RSBN1: variants seen among roughly 807,000 people sequenced by gnomAD.
RSBN1 encodes lysine-specific demethylase 9.
Under a neutral mutation model 74.8 loss-of-function variants are expected in RSBN1, and 23 were observed. The observed-to-expected ratio is 0.31, with a 90% confidence interval of 0.22 to 0.44. The LOEUF (loss-of-function observed/expected upper bound fraction) is 0.44. RSBN1 is among the 20% of genes least tolerant of loss of function. The pLI, the probability that RSBN1 is intolerant of heterozygous loss-of-function variation, is 1.00. For synonymous variants in RSBN1, 407 were observed against 379.6 expected, an observed-to-expected ratio of 1.07 and a Z score of -0.84; for missense variants, 808 against 1,020.9, an observed-to-expected ratio of 0.79 and a Z score of 2.84.
At chr1:113,790,911 A>C (rs776037950) in intron 2 of RSBN1, among the ~76,000 whole-genome samples, 4 of 152,206 alleles carry the variant, frequency 2.6e-5, no homozygotes, top group Non-Finnish European at 4.4e-5. Context: ...CTGAGAGTCT[A>C]ATGTATATTT....
chr1:113,766,132 A>T lies in RSBN1; in HGVS notation c.2257T>A (p.Leu753Ile). ...SEEACTEIQL[L>I]TTASSSFPPA... is the part of the protein sequence containing the mutation. ...GGGAAAGATGATGAAGCAGTTGTTAACAGCTGAATCTCTGTGCATGCTTCT... is the reference window on the plus strand; with the variant it reads ...GGGAAAGATGATGAAGCAGTTGTTATCAGCTGAATCTCTGTGCATGCTTCT... The change falls in exon 7 of 7, where the codon TTA becomes ATA. Residue 753 changes from leucine (L) to isoleucine (I), a missense_variant. Coordinates refer to ENST00000261441, the MANE Select transcript of RSBN1 (RefSeq NM_018364.5). 1 of 1,614,080 alleles carries T rather than the reference A, an allele frequency of 6.2e-7. No homozygotes were observed.
At chr1:113,785,014 T>G (rs182898237) in intron 2 of RSBN1, among the ~76,000 whole-genome samples, 1 of 152,142 alleles carries the variant, frequency 6.6e-6, no homozygotes, top group East Asian at 1.9e-4. Context: ...ACTTTATGAG[T>G]TTTTTAATTC....
intron 2 of RSBN1, among the ~76,000 whole-genome samples, chr1:113,780,516 G>A (rs900670210): frequency 1.3e-5 from 2 of 152,154 alleles, no homozygotes; most frequent in African/African-American, 2.4e-5. Flanking sequence ...TATTTGCAAA[G>A]AGAATAAAAA....
At chr1:113,768,156 TTAAA>T (rs1659819038) in intron 5 of RSBN1, 62 bp downstream of exon 5, 4 of 1,364,114 alleles carry the variant, frequency 2.9e-6, no homozygotes, top group Non-Finnish European at 3.9e-6. Flanking sequence ...CCTAAACCTT[TTAAA>T]TAGAGTCCAC....
chr1:113,769,970 C>T (rs375626502), intron 4 of RSBN1, among the ~76,000 whole-genome samples: 4 of 152,266 alleles, frequency 2.6e-5, no homozygotes, highest in South Asian at 4.1e-4. Context: ...TCCATTCCTC[C>T]CCTTTAATTC....
chr1:113,769,822 T>C (rs2101791869), intron 4 of RSBN1, among the ~76,000 whole-genome samples: 1 of 152,146 alleles, frequency 6.6e-6, no homozygotes, highest in East Asian at 1.9e-4. Flanking sequence ...GGCATAATAA[T>C]GATGAACAGA....
At chr1:113,795,191 C>G (rs989676910) in intron 2 of RSBN1, among the ~76,000 whole-genome samples, 10 of 152,302 alleles carry the variant, frequency 6.6e-5, no homozygotes, top group African/African-American at 1.9e-4. Flanking sequence ...AATCTCTTCT[C>G]CATGGTAAAA....
In RSBN1 at chr1:113,797,529, T is replaced by A; in HGVS notation, c.1211A>T (p.Glu404Val). 1 of 1,613,550 alleles carries A rather than the reference T, an allele frequency of 6.2e-7. No homozygotes were observed. Among genetic ancestry groups the A allele is most frequent in the South Asian group, 1.1e-5 (1 of 91,024 alleles). ...EFLALTFSEN[E>V]KNAAYYALAI... is the part of the protein sequence containing the mutation. ...TAAAGCATAGTAAGCAGCATTTTTC[T>A]CATTTTCACTGAATGTCAAAGCAAG... Residue 404 changes from glutamate (E) to valine (V), a missense_variant, in exon 2 of 7, where the codon GAG becomes GTG. Glu to Val is a moderately radical substitution (Grantham distance 121, BLOSUM62 -2). Coordinates refer to ENST00000261441, the MANE Select transcript of RSBN1 (RefSeq NM_018364.5).
chr1:113,786,687 G>C (rs987992469), intron 2 of RSBN1, among the ~76,000 whole-genome samples: 13 of 152,054 alleles, frequency 8.5e-5, no homozygotes, highest in Admixed American at 1.3e-4. Context: ...CCATTGTTTG[G>C]GGGCCAGGTA....
At chr1:113,794,162 A>C (rs996531926) in intron 2 of RSBN1, among the ~76,000 whole-genome samples, 3 of 152,062 alleles carry the variant, frequency 2.0e-5, no homozygotes, top group African/African-American at 7.2e-5. Flanking sequence ...AGACTAGTTA[A>C]ATCTCAACCT....
At chr1:113,792,045 G>C (rs974344923) in intron 2 of RSBN1, among the ~76,000 whole-genome samples, 1 of 152,022 alleles carries the variant, frequency 6.6e-6, no homozygotes, top group African/African-American at 2.4e-5. Context: ...CAATGCTACA[G>C]AACATTATCA....
At position 113,777,683 on chromosome 1, in the gene RSBN1, T is replaced by C. The variant is rs137914599; in HGVS notation, c.1503A>G (p.Ser501=). The change falls in exon 3 of 7, where the codon TCA becomes TCG. Residue 501 remains serine, a synonymous_variant. Coordinates refer to ENST00000261441, the MANE Select transcript of RSBN1 (RefSeq NM_018364.5). Reference sequence around the variant, plus strand: ...AATTAACACTCACTTTCAGAAATGGTGATTCTTCTAACATATCAAGGAACT... The same window carrying C: ...AATTAACACTCACTTTCAGAAATGGCGATTCTTCTAACATATCAAGGAACT... ...FPEFLDMLEE[S]PFLKMTLPWG... is the part of the protein sequence containing the mutation. 1 of 1,608,552 alleles carries C rather than the reference T, an allele frequency of 6.2e-7. No individual in the cohort carries two copies. Among genetic ancestry groups the C allele is most frequent in the Admixed American group, 1.7e-5 (1 of 59,682 alleles).
chr1:113,799,730 T>C (rs746722298), intron 1 of RSBN1, among the ~76,000 whole-genome samples: 11 of 152,166 alleles, frequency 7.2e-5, no homozygotes, highest in Non-Finnish European at 1.3e-4. Context: ...AAAATAAACA[T>C]ATTACTTTTA....
intron 5 of RSBN1, 21 bp downstream of exon 5, chr1:113,768,201 A>G (rs749934794): frequency 1.3e-6 from 2 of 1,582,608 alleles, no homozygotes; most frequent in Non-Finnish European, 1.7e-6. Flanking sequence ...CCAACCTTGC[A>G]GTTGAGTTCA....
In RSBN1 at chr1:113,762,529, T is replaced by G. The variant is rs1659698334; in HGVS notation, c.*3451A>C. ...GTGCTAGCTAGTGAAAGGTTCTTTT[T>G]TAAAAACCTGTAGCAATGATAAAAC... On this transcript the variant is annotated 3_prime_UTR_variant, in exon 7 of 7. Transcript: ENST00000261441. 1 of 152,716 alleles carries G rather than the reference T, an allele frequency of 6.5e-6. No homozygotes were observed. The highest frequency in any genetic ancestry group is 2.1e-4 in the South Asian group (1 of 4,828). 9.5% of individuals were successfully genotyped at this position (152,716 alleles called of 1,614,324 possible). A position where few individuals can be genotyped will look rare whatever the true frequency, so the allele number is the denominator to read the frequency against.
Position 113,811,743 on chromosome 1 carries a change from C to T in RSBN1, c.670G>A (p.Gly224Arg). Residue 224 changes from glycine to arginine, a missense_variant, in exon 1 of 7, where the codon GGA (glycine) becomes AGA (arginine). Transcript: ENST00000261441. ...KDKQENGERT[G>R]GVPLIKAPKR... ...GGGGCTTTGATCAGAGGCACCCCTC[C>T]AGTCCTCTCGCCGTTTTCCTGCTTG... is the stretch of plus-strand genomic sequence containing the variant. The T allele has an allele frequency of 6.2e-7, 1 of 1,610,604 alleles. No individual in the cohort carries two copies. The highest frequency in any genetic ancestry group is 8.5e-7 in the Non-Finnish European group (1 of 1,178,242).
chr1:113,791,197 G>C (rs764945972), intron 2 of RSBN1, among the ~76,000 whole-genome samples: 1 of 151,804 alleles, frequency 6.6e-6, no homozygotes, highest in Non-Finnish European at 1.5e-5. Context: ...AGTGGGGAGG[G>C]GAGAAGGATG....
rs1660640689 is a variant in RSBN1 at position 113,803,882 on chromosome 1, T to A, written c.704-5846A>T. 2.0e-5 allele frequency among the ~76,000 whole-genome samples: 3 copies of A among 147,782 alleles called. No individual in the cohort carries two copies. In the South Asian group the frequency reaches 6.4e-4, roughly 31 times the overall value. ...CTTTGGGAGACTGAGGCAGGAAGAC[T>A]GCTAGAGTCCAGGAATTCAAGACCA... On this transcript the variant is annotated intron_variant, in intron 1 of 6. Transcript: ENST00000261441.
intron 4 of RSBN1, among the ~76,000 whole-genome samples, chr1:113,774,069 T>A (rs1286322539): frequency 6.6e-6 from 1 of 152,076 alleles, no homozygotes; most frequent in Non-Finnish European, 1.5e-5. Flanking sequence ...CAAACTTCCA[T>A]CCATATACAA....
Sources: allele counts gnomAD v4.1 joint callset (sites outside exome capture counted in the v4.1 genomes callset), GRCh38; gene constraint gnomAD v4.1.1; transcripts MANE v1.5; gene names NCBI Gene and HGNC (gene_info 2026-07-23, HGNC 2026-07-21).